The following PFKFB2 variants were observed in gnomAD, a reference collection of about 807,000 sequenced individuals.
The protein encoded by PFKFB2 is 6-phosphofructo-2-kinase/fructose-2,6-bisphosphatase 2.
Under a neutral mutation model 68.0 loss-of-function variants are expected in PFKFB2, and 53 were observed. The observed-to-expected ratio is 0.78, with a 90% confidence interval of 0.63 to 0.98. The LOEUF (loss-of-function observed/expected upper bound fraction) is 0.98, where lower values mean the gene tolerates loss of function less well. Ranked by LOEUF, PFKFB2 falls within the 50% of genes least tolerant of loss-of-function variation. The probability of loss-of-function intolerance (pLI) is 0.00; values close to 1 mark genes in which losing one functional copy is unlikely to be tolerated. For synonymous variants in PFKFB2, 222 were observed against 227.6 expected, an observed-to-expected ratio of 0.98 and a Z score of 0.22; for missense variants, 451 against 642.0, an observed-to-expected ratio of 0.70 and a Z score of 3.22.
At position 207,063,244 on chromosome 1, in the gene PFKFB2, C is replaced by T; in HGVS notation, c.375+35C>T. 6.2e-7 allele frequency: 1 copy of T among 1,603,362 alleles called. No homozygotes were observed. Among genetic ancestry groups the T allele is most frequent in the Non-Finnish European group, 8.5e-7 (1 of 1,170,218 alleles). On this transcript the variant is annotated intron_variant, in intron 5 of 14. Transcript: ENST00000367080. The surrounding 1 kb of genome is among the most constrained non-coding windows in gnomAD (Gnocchi z 4.1). ...ATCTGCTGCTTCTTCTTTCTGGTCCCCACCCTTGCAGCAGCCTGGCTACCC... is the reference window on the plus strand; with the variant it reads ...ATCTGCTGCTTCTTCTTTCTGGTCCTCACCCTTGCAGCAGCCTGGCTACCC...
chr1:207,037,610 T>C (rs1047688643), intron 1 of PFKFB2, among the ~76,000 whole-genome samples: 14 of 152,240 alleles, frequency 9.2e-5, no homozygotes, highest in Non-Finnish European at 2.1e-4. Flanking sequence ...TTAACTCTTT[T>C]CTTCTCTATT....
chr1:207,052,302 C>T (rs116572563), upstream of PFKFB2: 1,014 of 1,340,100 alleles, frequency 7.6e-4, 8 homozygotes, highest in African/African-American at 0.013. Flanking sequence ...TTCTTCAAGA[C>T]GACTGCAACG....
chr1:207,050,925 C>A (rs545732408), upstream of PFKFB2: 148 of 1,590,986 alleles, frequency 9.3e-5, no homozygotes, highest in East Asian at 1.4e-3. Context: ...ACAGGCCAGG[C>A]ACCCGCGGGG....
intron 2 of PFKFB2, among the ~76,000 whole-genome samples, chr1:207,055,332 T>TG (rs1682886288): frequency 6.6e-6 from 1 of 152,204 alleles, no homozygotes; most frequent in South Asian, 2.1e-4. Context: ...AGGTTTAGCC[T>TG]TTGTACTTTG....
chr1:207,065,613 A>G (rs1683264031), intron 8 of PFKFB2, among the ~76,000 whole-genome samples: 1 of 152,102 alleles, frequency 6.6e-6, no homozygotes, highest in African/African-American at 2.4e-5. Context: ...CGGCCTCCCA[A>G]AGTGCTGGGA....
chr1:207,059,082 TG>T (rs1683011222), intron 2 of PFKFB2, among the ~76,000 whole-genome samples: 3 of 152,218 alleles, frequency 2.0e-5, no homozygotes, highest in African/African-American at 7.2e-5. Context: ...AAGCCCTGGT[TG>T]TAGCAGGTGT....
intron 12 of PFKFB2, 102 bp from the exon 13 acceptor site, chr1:207,071,086 T>A: frequency 1.1e-6 from 1 of 936,578 alleles, no homozygotes; most frequent in Non-Finnish European, 1.7e-6. Flanking sequence ...GTGGTCAAAG[T>A]AAGGGAAACT....
chr1:207,061,119 TTA>T (rs558658803), intron 2 of PFKFB2, among the ~76,000 whole-genome samples: 3 of 38,134 alleles, frequency 7.9e-5, no homozygotes, highest in African/African-American at 2.2e-4. Flanking sequence ...CTATATATCT[TTA>T]TATATATCTT....
Position 207,074,984 on chromosome 1 carries a change from A to G in PFKFB2, c.*2613A>G, listed in dbSNP as rs1254452960. 3 of 985,362 alleles carry G rather than the reference A, an allele frequency of 3.0e-6. No homozygotes were observed. The highest frequency in any genetic ancestry group is 3.6e-6 in the Non-Finnish European group (3 of 829,966). The allele number at this position is 985,362 out of a possible 1,614,324, so 61.0% of individuals were successfully genotyped here. On this transcript the variant is annotated 3_prime_UTR_variant, in exon 15 of 15. Coordinates refer to ENST00000367080, the MANE Select transcript of PFKFB2 (RefSeq NM_006212.2). ...GCACTTTTACAAGGTTGCATTGTCCACATTTGCTTGGATGGTGGCATCTGT... is the reference window on the plus strand; with the variant it reads ...GCACTTTTACAAGGTTGCATTGTCCGCATTTGCTTGGATGGTGGCATCTGT...
chr1:207,072,832 A>G lies in PFKFB2; in HGVS notation c.*461A>G. ...TGTCTCTTCAATGTGTGTTTTCCTC[A>G]CACTCCTTACTTGACTGCTTTCTTC... On this transcript the variant is annotated 3_prime_UTR_variant, in exon 15 of 15. Transcript: ENST00000367080. 1 of 991,106 alleles carries G rather than the reference A, an allele frequency of 1.0e-6. No individual in the cohort carries two copies. Among genetic ancestry groups the G allele is most frequent in the Non-Finnish European group, 1.2e-6 (1 of 833,718 alleles). The allele number at this position is 991,106 out of a possible 1,614,324, so 61.4% of individuals were successfully genotyped here.
upstream of PFKFB2, among the ~76,000 whole-genome samples, chr1:207,051,882 T>C (rs1048858067): frequency 6.6e-6 from 1 of 152,182 alleles, no homozygotes; most frequent in African/African-American, 2.4e-5. Flanking sequence ...ACTGGCTGAA[T>C]GAATAAAGAC....
Position 207,077,726 on chromosome 1 carries a change from C to G in PFKFB2, c.*5355C>G. ...TGATAACAAAGTATGCCACTCAGAT[C>G]CATTTAAAGTGTGCATAACTGTATT... On this transcript the variant is annotated 3_prime_UTR_variant, in exon 15 of 15. Coordinates refer to ENST00000367080, the MANE Select transcript of PFKFB2 (RefSeq NM_006212.2). 4 of 984,450 alleles carry G rather than the reference C, an allele frequency of 4.1e-6. No individual in the cohort carries two copies. The highest frequency in any genetic ancestry group is 4.8e-6 in the Non-Finnish European group (4 of 828,656). The allele number at this position is 984,450 out of a possible 1,614,324, so 61.0% of individuals were successfully genotyped here. A position where few individuals can be genotyped will look rare whatever the true frequency, so the allele number is the denominator to read the frequency against.
At chr1:207,036,773 C>T (rs1266619857) in intron 1 of PFKFB2, among the ~76,000 whole-genome samples, 1 of 152,138 alleles carries the variant, frequency 6.6e-6, no homozygotes, top group African/African-American at 2.4e-5. Context: ...CTCATTTCAC[C>T]AACTCTATCC....
chr1:207,072,221 C>A lies in PFKFB2; in HGVS notation c.1368C>A (p.Asn456Lys). 4 of 1,613,806 alleles carry A rather than the reference C, an allele frequency of 2.5e-6. No homozygotes were observed. The highest frequency in any genetic ancestry group is 3.4e-6 in the Non-Finnish European group (4 of 1,179,842). The stretch of plus-strand genomic sequence containing the variant: ...CCAATCAGAACAACTTCCCCAAGAA[C>A]CAAACCCCTGTAAGGATGAGAAGGA... The part of the protein sequence containing the change: ...RDKPTNNFPK[N>K]QTPVRMRRNS... Residue 456 changes from asparagine (N) to lysine (K), a missense_variant, in exon 15 of 15, where the codon AAC (asparagine) becomes AAA (lysine). Transcript: ENST00000367080.
At chr1:207,048,997 T>A (rs1558053647), upstream of PFKFB2, 1 of 1,601,942 alleles carries the variant, frequency 6.2e-7, no homozygotes, top group East Asian at 2.2e-5. Flanking sequence ...GGTAGTAGGC[T>A]TCAACCCTCA....
At chr1:207,050,740 G>A (rs1682722559), upstream of PFKFB2, 1 of 1,613,388 alleles carries the variant, frequency 6.2e-7, no homozygotes, top group Non-Finnish European at 8.5e-7. Context: ...TGAGATCCAG[G>A]CACTCGGGAG....
chr1:207,072,409 G>A lies in PFKFB2; in HGVS notation c.*38G>A. ...GTCAGCATTCCGGTGGTGTAACTGTGTGTTTCCCTCCAGCCCTGGCCTCCT... is the reference window on the plus strand; with the variant it reads ...GTCAGCATTCCGGTGGTGTAACTGTATGTTTCCCTCCAGCCCTGGCCTCCT... On this transcript the variant is annotated 3_prime_UTR_variant, in exon 15 of 15. Coordinates refer to ENST00000367080, the MANE Select transcript of PFKFB2 (RefSeq NM_006212.2). The A allele has an allele frequency of 1.3e-6, 2 of 1,599,502 alleles. No individual in the cohort carries two copies. The highest frequency in any genetic ancestry group is 1.7e-6 in the Non-Finnish European group (2 of 1,172,372).
intron 1 of PFKFB2, among the ~76,000 whole-genome samples, chr1:207,040,173 T>A (rs1395472853): frequency 6.6e-6 from 1 of 152,226 alleles, no homozygotes; most frequent in Non-Finnish European, 1.5e-5. Context: ...AATAATTTTG[T>A]CTACATTTTG....
chr1:207,071,392 T>C (rs527445913), intron 13 of PFKFB2, 117 bp from the exon 14 acceptor site: 3 of 1,022,878 alleles, frequency 2.9e-6, no homozygotes, highest in Non-Finnish European at 4.6e-6. Flanking sequence ...AAGGGATGTA[T>C]GCATGACTGT....
Sources: gnomAD v4.1 joint callset for allele counts (sites outside exome capture counted in the v4.1 genomes callset) on GRCh38, gnomAD v4.1.1 for gene constraint, Gnocchi (gnomAD v3.1) non-coding constraint, MANE v1.5 for transcripts, NCBI Gene and HGNC (gene_info 2026-07-23, HGNC 2026-07-21) for gene names.